ACSBG2: variants seen among roughly 807,000 people sequenced by gnomAD.
ACSBG2 encodes the protein long-chain-fatty-acid--CoA ligase ACSBG2.
A neutral mutation model predicts 74.7 loss-of-function variants in ACSBG2; 62 were observed. The observed-to-expected ratio is 0.83, with a 90% confidence interval of 0.68 to 1.03. The LOEUF is 1.03. Ranked by LOEUF, ACSBG2 falls within the 50% of genes least tolerant of loss-of-function variation. The probability of loss-of-function intolerance (pLI) is 0.00; values close to 1 mark genes in which losing one functional copy is unlikely to be tolerated. For synonymous variants in ACSBG2, 309 were observed against 294.1 expected (o/e 1.05, Z -0.52); for missense variants, 730 against 817.6 (o/e 0.89, Z 1.31).
intron 2 of ACSBG2, among the ~76,000 whole-genome samples, chr19:6,142,480 C>T (rs1024395095): frequency 7.9e-5 from 12 of 151,752 alleles, no homozygotes; most frequent in African/African-American, 2.2e-4. Flanking sequence ...GGGCCGGGTG[C>T]GGTGGCTCAC....
chr19:6,136,745 A>G (rs555538986), intron 1 of ACSBG2, among the ~76,000 whole-genome samples: 1 of 152,304 alleles, frequency 6.6e-6, no homozygotes, highest in East Asian at 1.9e-4. Flanking sequence ...ATGAATAACG[A>G]TAAATATCTG....
intron 14 of ACSBG2, 128 bp downstream of exon 14, chr19:6,190,820 C>T (rs916657104): frequency 7.8e-6 from 4 of 513,084 alleles, no homozygotes; most frequent in African/African-American, 5.7e-5. Flanking sequence ...CATACACACA[C>T]ACACACACAC....
rs748082391 is a variant in ACSBG2, at chr19:6,177,234, G to A, written c.744G>A (p.Thr248=). Residue 248 remains threonine, a synonymous_variant, in exon 8 of 15, where the codon ACG becomes ACA. Coordinates refer to ENST00000588485, the MANE Select transcript of ACSBG2 (RefSeq NM_030924.5). ...KGVMLSHDNI[T]WIAGAVTKDF... The stretch of plus-strand genomic sequence containing the variant: ...GATTGTCCCTTATGTTACAGATCAC[G>A]TGGATTGCAGGAGCAGTGACAAAGG... 9.2e-5 allele frequency: 148 copies of A among 1,613,906 alleles called. No homozygotes were observed. Among genetic ancestry groups the A allele is most frequent in the South Asian group, 4.0e-4 (36 of 91,084 alleles).
intron 7 of ACSBG2, among the ~76,000 whole-genome samples, chr19:6,176,647 T>C (rs1321672787): frequency 5.3e-5 from 8 of 151,868 alleles, no homozygotes; most frequent in Admixed American, 4.6e-4. Context: ...CTTCATCCTC[T>C]TGGGCAGCCC....
chr19:6,176,505 CA>C, intron 7 of ACSBG2: 1 of 828,816 alleles, frequency 1.2e-6, no homozygotes. Context: ...AACACACACA[CA>C]CACACGCACT....
At chr19:6,182,710 G>A (rs768292877) in intron 8 of ACSBG2, 41 bp from the exon 9 acceptor site, 40 of 1,592,976 alleles carry the variant, frequency 2.5e-5, no homozygotes, top group Admixed American at 1.5e-4. Flanking sequence ...CCTGGTGCAC[G>A]GAAGGCCCTG....
chr19:6,142,767 A>G (rs962985202), intron 2 of ACSBG2, among the ~76,000 whole-genome samples: 3 of 151,392 alleles, frequency 2.0e-5, no homozygotes, highest in Non-Finnish European at 3.0e-5. Flanking sequence ...AAAAAAAAAA[A>G]ATAGTGAAAG....
chr19:6,182,572 A>G lies in ACSBG2; in HGVS notation c.907-179A>G, dbSNP rs140354133. Among the ~76,000 whole-genome samples the G allele has an allele frequency of 9.2e-3, 1,404 of 152,302 alleles. 22 individuals are homozygous for G. Among genetic ancestry groups the G allele is most frequent in the African/African-American group, 0.032 (1,332 of 41,558 alleles). On this transcript the variant is annotated intron_variant, in intron 8 of 14. Transcript: ENST00000588485. ...TGCCTCTCATCAAATCCCTAGACAG[A>G]GTGCAAAAATCTGACTGGCCAACCC... is the stretch of plus-strand genomic sequence containing the variant.
In ACSBG2 at chr19:6,161,215, A is replaced by T. The variant is rs1194689286; in HGVS notation, c.508A>T (p.Ile170Phe). 1 of 1,613,028 alleles carries T rather than the reference A, an allele frequency of 6.2e-7. No individual in the cohort carries two copies. Among genetic ancestry groups the T allele is most frequent in the African/African-American group, 1.3e-5 (1 of 74,846 alleles). Residue 170 changes from isoleucine (I) to phenylalanine (F), a missense_variant and splice_region_variant, in exon 6 of 15, where the codon ATT becomes TTT. Coordinates refer to ENST00000588485, the MANE Select transcript of ACSBG2 (RefSeq NM_030924.5). ...AAGCCCACAGGGAACTTTCTTTCAG[A>T]TTCCACAGAGCAGCCTAGAGCCCCT... ...NDQQLQKILSIPQSSLEPLKA... is the reference protein window; with the variant it reads ...NDQQLQKILSFPQSSLEPLKA...
At chr19:6,189,223 A>C (rs2090490109) in intron 13 of ACSBG2, among the ~76,000 whole-genome samples, 1 of 152,096 alleles carries the variant, frequency 6.6e-6, no homozygotes, top group Non-Finnish European at 1.5e-5. Flanking sequence ...ATCGTCCTTA[A>C]TATTTCACCC....
rs17856651 is a variant in ACSBG2, at chr19:6,187,794, G to C, written c.1876G>C (p.Glu626Gln). ...AGCCATGAACAATGCACAGAGGATT[G>C]AAAAGTGGGTCATCTTGGAGAAGGA... Reference protein sequence around the residue: ...QEAMNNAQRIEKWVILEKDFS... With the variant: ...QEAMNNAQRIQKWVILEKDFS... Residue 626 changes from glutamate to glutamine, a missense_variant, in exon 13 of 15, where the codon GAA becomes CAA. Transcript: ENST00000588485. The C allele has an allele frequency of 0.045, 73,417 of 1,614,058 alleles. 2,842 individuals are homozygous for C. The highest frequency in any genetic ancestry group is 0.2 in the African/African-American group (14,951 of 74,920).
rs536823815 is a variant in ACSBG2 at position 6,144,997 on chromosome 19, T to C, written c.68-2449T>C. 4.1e-3 allele frequency among the ~76,000 whole-genome samples: 629 copies of C among 152,180 alleles called. 3 individuals are homozygous for C. Among genetic ancestry groups the C allele is most frequent in the Non-Finnish European group, 7.3e-3 (496 of 67,994 alleles). On this transcript the variant is annotated intron_variant, in intron 2 of 14. Coordinates refer to ENST00000588485, the MANE Select transcript of ACSBG2 (RefSeq NM_030924.5). Reference sequence around the variant, plus strand: ...CAGGCATGAACCAGCCTGCTGTCTGTTGATGACTATCTGAACATACATCTC... The same window carrying C: ...CAGGCATGAACCAGCCTGCTGTCTGCTGATGACTATCTGAACATACATCTC...
chr19:6,137,642 G>GTATT (rs902962168), intron 1 of ACSBG2, among the ~76,000 whole-genome samples: 13 of 151,870 alleles, frequency 8.6e-5, no homozygotes, highest in Non-Finnish European at 1.3e-4. Context: ...ATGTATTTAT[G>GTATT]TATTTATTTA....
At chr19:6,162,078 C>A (rs2145123319) in intron 6 of ACSBG2, among the ~76,000 whole-genome samples, 2 of 151,620 alleles carry the variant, frequency 1.3e-5, no homozygotes, top group South Asian at 4.2e-4. Context: ...CCATCCTGGT[C>A]AACATGGTGA....
chr19:6,187,568 C>G (rs1318864473), intron 12 of ACSBG2, 31 bp from the exon 13 acceptor site: 7 of 1,613,116 alleles, frequency 4.3e-6, no homozygotes, highest in Non-Finnish European at 5.9e-6. Flanking sequence ...GGTCAAGGAG[C>G]ATGGGTGGTG....
intron 6 of ACSBG2, among the ~76,000 whole-genome samples, chr19:6,163,427 C>T (rs2089689425): frequency 2.3e-5 from 1 of 42,998 alleles, no homozygotes; most frequent in East Asian, 9.7e-4. Flanking sequence ...TCAAGCCTGG[C>T]GAAAGAGCGA....
chr19:6,143,626 T>C (rs966030066), intron 2 of ACSBG2, among the ~76,000 whole-genome samples: 2 of 152,106 alleles, frequency 1.3e-5, no homozygotes, highest in East Asian at 3.9e-4. Context: ...GACACCTCCA[T>C]GTTTTTGTCC....
chr19:6,140,430 A>G (rs2088778606), intron 1 of ACSBG2, among the ~76,000 whole-genome samples: 1 of 152,184 alleles, frequency 6.6e-6, no homozygotes, highest in African/African-American at 2.4e-5. Context: ...CTGTAATGCC[A>G]GCACTTTGAG....
At chr19:6,182,003 C>G (rs1021889417) in intron 8 of ACSBG2, among the ~76,000 whole-genome samples, 2 of 152,118 alleles carry the variant, frequency 1.3e-5, no homozygotes, top group African/African-American at 4.8e-5. Flanking sequence ...CCTGGGACTT[C>G]CCCAGTTTTA....
Sources: allele counts gnomAD v4.1 joint callset (sites outside exome capture counted in the v4.1 genomes callset), GRCh38; gene constraint gnomAD v4.1.1; transcripts MANE v1.5; gene names NCBI Gene and HGNC (gene_info 2026-07-23, HGNC 2026-07-21).